Variants in RIMS3 observed in about 807,000 individuals in gnomAD.
RIMS3 encodes regulating synaptic membrane exocytosis 3, also known as regulating synaptic membrane exocytosis protein 3.
Under a neutral mutation model 29.2 loss-of-function variants are expected in RIMS3, and 15 were observed. The ratio of observed to expected loss-of-function variants is 0.51; its 90% CI spans 0.34 to 0.79. RIMS3 has a LOEUF of 0.79. RIMS3 is among the 30% of genes least tolerant of loss of function. The pLI is 0.01. For synonymous variants in RIMS3, 161 were observed against 170.1 expected, an observed-to-expected ratio of 0.95 and a Z score of 0.41; for missense variants, 342 against 421.4, an observed-to-expected ratio of 0.81 and a Z score of 1.65.
intron 2 of RIMS3, among the ~76,000 whole-genome samples, chr1:40,646,466 T>A (rs545332594): frequency 3.3e-5 from 5 of 152,238 alleles, no homozygotes; most frequent in African/African-American, 9.6e-5. Context: ...GCAAGTCCCT[T>A]CACCAATTCC....
intron 1 of RIMS3, among the ~76,000 whole-genome samples, chr1:40,659,266 G>T (rs544999246): frequency 6.6e-6 from 1 of 152,326 alleles, no homozygotes; most frequent in East Asian, 1.9e-4. Context: ...GGAGTTCAAA[G>T]TGTGGCGGGG....
intron 4 of RIMS3, among the ~76,000 whole-genome samples, chr1:40,634,856 G>A (rs1326964920): frequency 1.3e-5 from 2 of 151,598 alleles, no homozygotes; most frequent in Non-Finnish European, 2.9e-5. Context: ...CAGGAGAATC[G>A]CTTGAACCTG....
chr1:40,646,864 G>C (rs1027566795), intron 2 of RIMS3, among the ~76,000 whole-genome samples: 2 of 149,334 alleles, frequency 1.3e-5, no homozygotes, highest in Admixed American at 1.3e-4. Context: ...CCCTTTAACC[G>C]TGGGTCTAAC....
the RIMS3 span, among the ~76,000 whole-genome samples, chr1:40,673,907 G>C: frequency 3.9e-5 from 6 of 151,932 alleles, no homozygotes; most frequent in African/African-American, 1.2e-4. Context: ...CAGGGGAGTT[G>C]TAAAGATTAA....
chr1:40,646,238 G>A (rs1272712560), intron 2 of RIMS3, among the ~76,000 whole-genome samples: 2 of 152,146 alleles, frequency 1.3e-5, no homozygotes, highest in Non-Finnish European at 2.9e-5. Flanking sequence ...TCCGGCAGCA[G>A]GTCTAGCTCA....
At chr1:40,659,890 G>A (rs1201959312) in intron 1 of RIMS3, among the ~76,000 whole-genome samples, 3 of 152,306 alleles carry the variant, frequency 2.0e-5, no homozygotes, top group Middle Eastern at 3.4e-3. Flanking sequence ...ACAGGGCCTC[G>A]GAGACTGCGT....
chr1:40,647,341 T>A (rs889867105), intron 2 of RIMS3, among the ~76,000 whole-genome samples: 1 of 151,910 alleles, frequency 6.6e-6, no homozygotes, highest in African/African-American at 2.4e-5. Context: ...CTCCCCATCC[T>A]CTACTCACAG....
At chr1:40,671,246 G>A in the RIMS3 span, among the ~76,000 whole-genome samples, 1 of 152,142 alleles carries the variant, frequency 6.6e-6, no homozygotes, top group Non-Finnish European at 1.5e-5. Context: ...CTAGGCCTTG[G>A]GGGGGATGCT....
At position 40,626,477 on chromosome 1, in the gene RIMS3, C is replaced by A; in HGVS notation, c.*40G>T. The A allele has an allele frequency of 6.5e-7, 1 of 1,533,056 alleles. No homozygotes were observed. 95.0% of individuals were successfully genotyped at this position (1,533,056 alleles called of 1,614,324 possible). On this transcript the variant is annotated 3_prime_UTR_variant, in exon 8 of 8. Coordinates refer to ENST00000372684, the MANE Select transcript of RIMS3 (RefSeq NM_014747.3). ...GGGGAGGACATGGGGCCAGCAGGCA[C>A]CCCTCCCCACACCACCATCCTGGCC...
intron 7 of RIMS3, 136 bp from the exon 8 acceptor site, chr1:40,626,865 A>G (rs1646458071): frequency 1.3e-6 from 1 of 752,568 alleles, no homozygotes; most frequent in Non-Finnish European, 2.3e-6. Context: ...ATTTCACACA[A>G]TAATTTACTG....
At chr1:40,669,771 A>AT (rs1300651423), upstream of RIMS3, among the ~76,000 whole-genome samples, 1 of 152,120 alleles carries the variant, frequency 6.6e-6, no homozygotes, top group Non-Finnish European at 1.5e-5. Flanking sequence ...GGGTGCAAAG[A>AT]TTTTTTTGAA....
At position 40,626,429 on chromosome 1, in the gene RIMS3, G is replaced by A. The variant is rs1264973848; in HGVS notation, c.*88C>T. The A allele has an allele frequency of 5.6e-6, 7 of 1,252,444 alleles. No homozygotes were observed. The highest frequency in any genetic ancestry group is 6.8e-6 in the Non-Finnish European group (6 of 880,252). 77.6% of individuals were successfully genotyped at this position (1,252,444 alleles called of 1,614,324 possible). A position where few individuals can be genotyped will look rare whatever the true frequency, so the allele number is the denominator to read the frequency against. On this transcript the variant is annotated 3_prime_UTR_variant, in exon 8 of 8. Coordinates refer to ENST00000372684, the MANE Select transcript of RIMS3 (RefSeq NM_014747.3). ...GGCATGCAGCAGGACAAGGGGTCCA[G>A]AAAGACACGAAGACTATGTACAGGG...
rs150212317 is a variant in RIMS3, at chr1:40,629,545, G to A, written c.473-173C>T. ...CTCGGAAGACCACTTTAAAGCAGCTGAGGGACCCTTTGATAGGTCCCTTGG... is the reference window on the plus strand; with the variant it reads ...CTCGGAAGACCACTTTAAAGCAGCTAAGGGACCCTTTGATAGGTCCCTTGG... On this transcript the variant is annotated intron_variant, in intron 5 of 7. Transcript: ENST00000372684. Among the ~76,000 whole-genome samples, 258 of 152,300 alleles carry A rather than the reference G, an allele frequency of 1.7e-3. 4 individuals carry two copies. Among genetic ancestry groups the A allele is most frequent in the African/African-American group, 6.0e-3 (248 of 41,564 alleles).
At chr1:40,673,061 T>A in the RIMS3 span, among the ~76,000 whole-genome samples, 18,564 of 151,860 alleles carry the variant, frequency 0.12, 1,225 homozygotes, top group African/African-American at 0.15. Flanking sequence ...GTGCCTGTAA[T>A]CCCAGCCACT....
chr1:40,665,790 G>T, upstream of RIMS3: 1 of 152,972 alleles, frequency 6.5e-6, no homozygotes, highest in South Asian at 1.9e-4. Flanking sequence ...GCGGGGCCTA[G>T]GGGAATCCGG....
rs539833672 is a variant in RIMS3 at position 40,621,648 on chromosome 1, A to G, written c.*4869T>C. ...TGCAGATGAGGAAGTTGAGGCCCAG[A>G]AAAGTGAGGAGCCTTACCCAAGGTC... On this transcript the variant is annotated 3_prime_UTR_variant, in exon 8 of 8. Transcript: ENST00000372684. 6.6e-6 allele frequency: 1 copy of G among 152,420 alleles called. No individual in the cohort carries two copies. Among genetic ancestry groups the G allele is most frequent in the African/African-American group, 2.4e-5 (1 of 41,596 alleles). The allele number at this position is 152,420 out of a possible 1,614,324, so 9.4% of individuals were successfully genotyped here. A position where few individuals can be genotyped will look rare whatever the true frequency, so the allele number is the denominator to read the frequency against.
chr1:40,666,208 T>C (rs1351370511), upstream of RIMS3, among the ~76,000 whole-genome samples: 2 of 152,206 alleles, frequency 1.3e-5, no homozygotes, highest in African/African-American at 4.8e-5. Flanking sequence ...TGGCCGGCCC[T>C]GAAGCCCAAG....
chr1:40,679,893 T>TC, the RIMS3 span, among the ~76,000 whole-genome samples: 1 of 151,686 alleles, frequency 6.6e-6, no homozygotes, highest in African/African-American at 2.4e-5. Context: ...GACTAGAATT[T>TC]TTTTTTTTTT....
chr1:40,628,424 G>A (rs551782050), intron 7 of RIMS3, among the ~76,000 whole-genome samples: 1 of 152,372 alleles, frequency 6.6e-6, no homozygotes, highest in Admixed American at 6.5e-5. Flanking sequence ...TTTCCGTAAA[G>A]TGAAGAGAAT....
Sources: allele counts gnomAD v4.1 joint callset (sites outside exome capture counted in the v4.1 genomes callset), GRCh38; gene constraint gnomAD v4.1.1; transcripts MANE v1.5; gene names NCBI Gene and HGNC (gene_info 2026-07-23, HGNC 2026-07-21).